The following GLT1D1 variants were observed in gnomAD, a reference collection of about 807,000 sequenced individuals.
GLT1D1 encodes glycosyltransferase 1 domain containing 1, also known as glycosyltransferase 1 domain-containing protein 1.
GLT1D1 carries 21 observed loss-of-function variants against 28.7 expected under a neutral mutation model. That is an observed-to-expected ratio of 0.73 (90% CI 0.52 to 1.05). GLT1D1 has a LOEUF of 1.05. Ranked by LOEUF, GLT1D1 falls within the 50% of genes least tolerant of loss-of-function variation. GLT1D1 has a pLI of 0.00. For missense variants in GLT1D1, 343 were observed against 330.6 expected, an observed-to-expected ratio of 1.04 and a Z score of -0.29; for synonymous variants, 147 against 124.8, an observed-to-expected ratio of 1.18 and a Z score of -1.19.
intron 7 of GLT1D1, among the ~76,000 whole-genome samples, chr12:128,967,272 A>G (rs188405285): frequency 3.8e-4 from 58 of 152,396 alleles, no homozygotes; most frequent in African/African-American, 1.2e-3. Context: ...TTTTTCTTCA[A>G]ACGCTAATGG....
intron 6 of GLT1D1, among the ~76,000 whole-genome samples, chr12:128,951,790 G>A (rs1876716825): frequency 6.6e-6 from 1 of 152,214 alleles, no homozygotes; most frequent in African/African-American, 2.4e-5. Context: ...CTTTGTTAAA[G>A]GTACATTTTG....
chr12:128,958,790 C>A (rs1593190423), intron 7 of GLT1D1, among the ~76,000 whole-genome samples: 1 of 135,846 alleles, frequency 7.4e-6, no homozygotes. Context: ...AAGGCATTGT[C>A]ACTACGTATG....
intron 4 of GLT1D1, among the ~76,000 whole-genome samples, chr12:128,902,874 C>A (rs1045097008): frequency 1.3e-5 from 2 of 151,324 alleles, no homozygotes; most frequent in Non-Finnish European, 2.9e-5. Context: ...GAAACCCTGT[C>A]TCTACTGAAA....
At chr12:128,901,301 G>A (rs1406331936) in intron 4 of GLT1D1, among the ~76,000 whole-genome samples, 1 of 151,456 alleles carries the variant, frequency 6.6e-6, no homozygotes, top group African/African-American at 2.4e-5. Flanking sequence ...TTTTTTTTTA[G>A]TAGAGATGGG....
At chr12:128,946,914 G>A (rs1876178649) in intron 5 of GLT1D1, among the ~76,000 whole-genome samples, 1 of 151,888 alleles carries the variant, frequency 6.6e-6, no homozygotes, top group Admixed American at 6.6e-5. Flanking sequence ...CTCCCAAAAT[G>A]CTGGGATTAC....
intron 4 of GLT1D1, among the ~76,000 whole-genome samples, chr12:128,913,101 G>C (rs1310793573): frequency 2.0e-5 from 3 of 152,198 alleles, no homozygotes; most frequent in Non-Finnish European, 4.4e-5. Flanking sequence ...TGTTTCAGCT[G>C]ACTTGAGTTG....
At chr12:128,881,561 A>AAATATATATATAT (rs1555262848) in intron 2 of GLT1D1, among the ~76,000 whole-genome samples, 2 of 33,724 alleles carry the variant, frequency 5.9e-5, no homozygotes, top group Non-Finnish European at 1.0e-4. Flanking sequence ...AAAAAAAAAA[A>AAATATATATATAT]ATATATATAT....
At chr12:128,923,428 GT>G in intron 4 of GLT1D1, among the ~76,000 whole-genome samples, 1 of 152,098 alleles carries the variant, frequency 6.6e-6, no homozygotes, top group East Asian at 1.9e-4. Context: ...GTGGTGGGGG[GT>G]TTGGACCTTC....
chr12:128,929,735 G>A (rs1873666034), intron 4 of GLT1D1, among the ~76,000 whole-genome samples: 1 of 152,184 alleles, frequency 6.6e-6, no homozygotes, highest in East Asian at 1.9e-4. Context: ...GCCAAGAGGG[G>A]CGATCACCTG....
intron 4 of GLT1D1, among the ~76,000 whole-genome samples, chr12:128,899,771 C>G (rs568768796): frequency 1.3e-5 from 2 of 151,974 alleles, no homozygotes; most frequent in Non-Finnish European, 2.9e-5. Flanking sequence ...AGGCTGGTCT[C>G]GAACTACTGG....
chr12:128,926,229 TAATAATAA>T (rs1367104388), intron 4 of GLT1D1, 122 bp from the exon 7 acceptor site: 4 of 233,194 alleles, frequency 1.7e-5, no homozygotes, highest in African/African-American at 4.9e-5. Context: ...ATAATAATAA[TAATAATAA>T]GAGTAGGAGA....
At chr12:128,891,105 C>CAAA (rs63056260) in intron 3 of GLT1D1, among the ~76,000 whole-genome samples, 1 of 115,758 alleles carries the variant, frequency 8.6e-6, no homozygotes, top group Non-Finnish European at 1.8e-5. Context: ...GACACTGTCT[C>CAAA]AAAAAAAAAA....
rs374597920 is a variant in GLT1D1, at chr12:128,956,171, A to AAAAAAAAAAAAGAG, written c.541-1373_541-1372insAAAAAAAAAAGAGA. Among the ~76,000 whole-genome samples the AAAAAAAAAAAAGAG allele has an allele frequency of 5.3e-4, 34 of 63,974 alleles. 6 individuals are homozygous for AAAAAAAAAAAAGAG. In the South Asian group the frequency reaches 0.019, roughly 36 times the overall value. The allele number at this position is 63,974 out of a possible 152,430, so 42.0% of individuals were successfully genotyped here. A position where few individuals can be genotyped will look rare whatever the true frequency, so the allele number is the denominator to read the frequency against. On this transcript the variant is annotated intron_variant, in intron 6 of 7. Coordinates refer to ENST00000281703, the MANE Select transcript of GLT1D1 (RefSeq NM_144669.3). Reference sequence around the variant, plus strand: ...GAGACTCCATCTCAAAAAAAAAAAAAAGAGAAAGAGAGAAAGAAAGAAAGA... The same window carrying AAAAAAAAAAAAGAG: ...GAGACTCCATCTCAAAAAAAAAAAAAAAAAAAAAAAAGAGAGAGAAAGAGAGAAAGAAAGAAAGA...
At chr12:128,901,427 T>C (rs2135857555) in intron 4 of GLT1D1, among the ~76,000 whole-genome samples, 1 of 140,206 alleles carries the variant, frequency 7.1e-6, no homozygotes, top group African/African-American at 2.7e-5. Context: ...ACCTTTTCTC[T>C]CTCTCTCTCT....
chr12:128,971,479 C>CCTCTCTCTACCTCCCTCCCTCT (rs1879071515), intron 7 of GLT1D1, among the ~76,000 whole-genome samples: 1 of 128,970 alleles, frequency 7.8e-6, no homozygotes, highest in East Asian at 2.7e-4. Context: ...TGCCTCCCTC[C>CCTCTCTCTACCTCCCTCCCTCT]CTCCCTCTCT....
At chr12:128,881,173 G>A (rs1357528318) in intron 2 of GLT1D1, among the ~76,000 whole-genome samples, 1 of 139,002 alleles carries the variant, frequency 7.2e-6, no homozygotes, top group East Asian at 2.2e-4. Flanking sequence ...GCAGTGAGCC[G>A]AGATCCTGCC....
At chr12:128,955,417 T>A (rs1214617294) in intron 6 of GLT1D1, among the ~76,000 whole-genome samples, 1 of 152,124 alleles carries the variant, frequency 6.6e-6, no homozygotes, top group Non-Finnish European at 1.5e-5. Context: ...ATAGGTGTCT[T>A]CTCCTGCACC....
chr12:128,944,921 AT>A (rs1875822589), intron 4 of GLT1D1: 1 of 492,476 alleles, frequency 2.0e-6, no homozygotes, highest in African/African-American at 2.0e-5. Context: ...TACATTAGGT[AT>A]TTCTCGTAAC....
chr12:128,957,599 G>T lies in GLT1D1; in HGVS notation c.595G>T (p.Val199Leu), dbSNP rs772889713. The change falls in exon 7 of 8, where the codon GTG becomes TTG. Residue 199 changes from valine to leucine, a missense_variant. Coordinates refer to ENST00000281703, the MANE Select transcript of GLT1D1 (RefSeq NM_144669.3). ...CAGGAACATCCCCGGGAATGCTGCC[G>T]TGGTGAAGCATGAAGTCACAGGGCT... is the stretch of plus-strand genomic sequence containing the variant. 3.7e-6 allele frequency: 6 copies of T among 1,613,768 alleles called. No homozygotes were observed. The highest frequency in any genetic ancestry group is 5.1e-6 in the Non-Finnish European group (6 of 1,179,788).
Sources: allele counts gnomAD v4.1 joint callset (sites outside exome capture counted in the v4.1 genomes callset), GRCh38; gene constraint gnomAD v4.1.1; transcripts MANE v1.5; gene names NCBI Gene and HGNC (gene_info 2026-07-23, HGNC 2026-07-21).